Variants in SPPL3 observed in about 807,000 individuals in gnomAD.
SPPL3 encodes the protein signal peptide peptidase like 3.
SPPL3 carries 5 observed loss-of-function variants against 42.4 expected under a neutral mutation model. That is an observed-to-expected ratio of 0.12 (90% CI 0.06 to 0.25). The LOEUF (loss-of-function observed/expected upper bound fraction) is 0.25, where lower values mean the gene tolerates loss of function less well. Among genes scored for constraint, SPPL3 ranks in the 10% least tolerant of loss-of-function variants. The pLI is 1.00. For missense variants in SPPL3, 235 were observed against 489.0 expected, an observed-to-expected ratio of 0.48 and a Z score of 4.90; for synonymous variants, 195 against 181.8, an observed-to-expected ratio of 1.07 and a Z score of -0.58.
chr12:120,766,513 C>A (rs1440035703), intron 9 of SPPL3, 141 bp from the exon 10 acceptor site: 6 of 588,902 alleles, frequency 1.0e-5, no homozygotes, highest in Non-Finnish European at 1.7e-5. Flanking sequence ...CCAGCTTGGG[C>A]AGTTGAAGAA....
At chr12:120,898,126 A>G (rs1365603786) in intron 1 of SPPL3, among the ~76,000 whole-genome samples, 1 of 151,836 alleles carries the variant, frequency 6.6e-6, no homozygotes, top group African/African-American at 2.4e-5. Flanking sequence ...AACCTGGCCA[A>G]TATGGCAAAA....
intron 1 of SPPL3, among the ~76,000 whole-genome samples, chr12:120,837,724 C>G (rs1310311462): frequency 1.3e-5 from 2 of 152,204 alleles, no homozygotes; most frequent in East Asian, 3.8e-4. Flanking sequence ...ATGGCAGAGA[C>G]TGCAAATTTC....
At chr12:120,783,559 T>C in intron 5 of SPPL3, 115 bp downstream of exon 5, 3 of 935,542 alleles carry the variant, frequency 3.2e-6, no homozygotes, top group East Asian at 2.7e-5. Context: ...CCTGGTCTTT[T>C]GGCATTTCTG....
chr12:120,824,908 A>G (rs1329434231), intron 1 of SPPL3, among the ~76,000 whole-genome samples: 1 of 152,166 alleles, frequency 6.6e-6, no homozygotes. Context: ...TTGAAAAGAC[A>G]ATTTAAAAAC....
At chr12:120,876,628 A>AAAAAG (rs1223712899) in intron 1 of SPPL3, among the ~76,000 whole-genome samples, 4 of 150,544 alleles carry the variant, frequency 2.7e-5, no homozygotes, top group African/African-American at 9.7e-5. Flanking sequence ...AAAAAAAAAA[A>AAAAAG]AAAAAAAAGA....
intron 1 of SPPL3, among the ~76,000 whole-genome samples, chr12:120,881,177 T>C (rs1873267215): frequency 6.6e-6 from 1 of 151,538 alleles, no homozygotes; most frequent in South Asian, 2.1e-4. Context: ...CCTCAAAAAA[T>C]TAAAATGTTG....
At position 120,904,355 on chromosome 12, in the gene SPPL3, G is replaced by A. The variant is rs568089182; in HGVS notation, c.-488C>T. 67 of 163,098 alleles carry A rather than the reference G, an allele frequency of 4.1e-4. No individual in the cohort carries two copies. Among genetic ancestry groups the A allele is most frequent in the Admixed American group, 2.5e-4 (4 of 15,706 alleles). The allele number at this position is 163,098 out of a possible 1,614,324, so 10.1% of individuals were successfully genotyped here. On this transcript the variant is annotated 5_prime_UTR_variant, in exon 1 of 11. Transcript: ENST00000353487. ...GGCCACTCGATCACACCCGCCGAGG[G>A]GAGGAGGGGCGGGGGCGGGGGCGAG...
rs557274074 is a variant in SPPL3 at position 120,888,066 on chromosome 12, G to A, written c.23+15779C>T. Among the ~76,000 whole-genome samples, 8 of 152,138 alleles carry A rather than the reference G, an allele frequency of 5.3e-5. No homozygotes were observed. The East Asian group carries it at 1.2e-3, about 22-fold the overall frequency. ...AAAAACTTGTATACAAATGTTCATCGCATAACTATTACTATTTTTGGTTTT... is the reference window on the plus strand; with the variant it reads ...AAAAACTTGTATACAAATGTTCATCACATAACTATTACTATTTTTGGTTTT... On this transcript the variant is annotated intron_variant, in intron 1 of 10. Coordinates refer to ENST00000353487, the MANE Select transcript of SPPL3 (RefSeq NM_139015.5).
chr12:120,885,814 T>C (rs1462457190), intron 1 of SPPL3, among the ~76,000 whole-genome samples: 2 of 150,868 alleles, frequency 1.3e-5, no homozygotes, highest in Non-Finnish European at 2.9e-5. Flanking sequence ...AATTAGAAAA[T>C]GTAAGCTGTG....
chr12:120,886,304 A>G (rs1873459915), intron 1 of SPPL3, among the ~76,000 whole-genome samples: 1 of 152,050 alleles, frequency 6.6e-6, no homozygotes, highest in Admixed American at 6.6e-5. Flanking sequence ...AACACTATAA[A>G]CTTCTGATGA....
At chr12:120,849,893 T>C (rs1193749004) in intron 1 of SPPL3, among the ~76,000 whole-genome samples, 1 of 152,190 alleles carries the variant, frequency 6.6e-6, no homozygotes, top group Non-Finnish European at 1.5e-5. Flanking sequence ...GTATTTCTAC[T>C]GGAAAATCTG....
chr12:120,887,223 CAGGCGTGAA>C (rs1873493933), intron 1 of SPPL3, among the ~76,000 whole-genome samples: 1 of 152,116 alleles, frequency 6.6e-6, no homozygotes, highest in African/African-American at 2.4e-5. Context: ...GCTGGGATTA[CAGGCGTGAA>C]ATAAGTATTT....
intron 1 of SPPL3, among the ~76,000 whole-genome samples, chr12:120,847,178 A>C (rs1872066434): frequency 6.6e-6 from 1 of 152,222 alleles, no homozygotes; most frequent in Non-Finnish European, 1.5e-5. Flanking sequence ...AAACAAAATA[A>C]ACCAGAAGAA....
At chr12:120,882,899 A>G (rs1873337825) in intron 1 of SPPL3, among the ~76,000 whole-genome samples, 1 of 151,778 alleles carries the variant, frequency 6.6e-6, no homozygotes, top group Non-Finnish European at 1.5e-5. Context: ...GCTTTTTAAA[A>G]CCAATCACAG....
intron 1 of SPPL3, among the ~76,000 whole-genome samples, chr12:120,825,047 C>T (rs78641312): frequency 0.014 from 2,129 of 151,732 alleles, 38 homozygotes; most frequent in African/African-American, 0.045. Flanking sequence ...CCTTATATGA[C>T]ACTACCTTAA....
intron 6 of SPPL3, among the ~76,000 whole-genome samples, chr12:120,770,320 C>A (rs1330284503): frequency 4.6e-5 from 7 of 152,204 alleles, no homozygotes; most frequent in Non-Finnish European, 2.9e-5. Flanking sequence ...AGCCACCATG[C>A]CCAGCCTAAA....
chr12:120,810,765 C>T, intron 2 of SPPL3, 44 bp downstream of exon 2: 1 of 1,479,620 alleles, frequency 6.8e-7, no homozygotes, highest in South Asian at 1.2e-5. Flanking sequence ...ATGCTTCCTT[C>T]TTCCACCTCC....
At chr12:120,824,139 G>A (rs1871166871) in intron 1 of SPPL3, among the ~76,000 whole-genome samples, 1 of 152,082 alleles carries the variant, frequency 6.6e-6, no homozygotes, top group Non-Finnish European at 1.5e-5. Context: ...CAAAGTGCTA[G>A]GATTATAGGC....
chr12:120,881,785 T>A, intron 1 of SPPL3, among the ~76,000 whole-genome samples: 1 of 137,750 alleles, frequency 7.3e-6, no homozygotes, highest in Non-Finnish European at 1.6e-5. Context: ...TTACTCTAAG[T>A]GAAAAAGCCA....
Sources: gnomAD v4.1 joint callset for allele counts (sites outside exome capture counted in the v4.1 genomes callset) on GRCh38, gnomAD v4.1.1 for gene constraint, MANE v1.5 for transcripts, NCBI Gene and HGNC (gene_info 2026-07-23, HGNC 2026-07-21) for gene names.